The following COLEC12 variants were observed in gnomAD, a reference collection of about 807,000 sequenced individuals.
The protein encoded by COLEC12 is collectin subfamily member 12.
A neutral mutation model predicts 71.1 loss-of-function variants in COLEC12; 33 were observed. That is an observed-to-expected ratio of 0.46 (90% CI 0.35 to 0.62). The LOEUF (loss-of-function observed/expected upper bound fraction) is 0.62, where lower values mean the gene tolerates loss of function less well. COLEC12 is among the 20% of genes least tolerant of loss of function. COLEC12 has a pLI of 0.00. For synonymous variants in COLEC12, 350 were observed against 353.0 expected (o/e 0.99, Z 0.10); for missense variants, 765 against 916.1 (o/e 0.84, Z 2.13).
intron 2 of COLEC12, among the ~76,000 whole-genome samples, chr18:400,749 G>A (rs7235326): frequency 0.067 from 10,234 of 152,252 alleles, 440 homozygotes; most frequent in South Asian, 0.11. Flanking sequence ...CATGGCTGTC[G>A]GTTATGCAAT....
chr18:387,120 G>A (rs6506133), intron 2 of COLEC12, among the ~76,000 whole-genome samples: 58,644 of 152,086 alleles, frequency 0.39, 11,542 homozygotes, highest in Admixed American at 0.47. Flanking sequence ...CACTGAGCTC[G>A]CTTTTGGCAG....
At chr18:389,638 C>G (rs747980670) in intron 2 of COLEC12, among the ~76,000 whole-genome samples, 1 of 151,878 alleles carries the variant, frequency 6.6e-6, no homozygotes, top group Non-Finnish European at 1.5e-5. Context: ...AATGAAAACT[C>G]TCCAAGATAC....
Position 426,803 on chromosome 18 carries a change from G to A in COLEC12, c.58+53904C>T, listed in dbSNP as rs1205744439. On this transcript the variant is annotated intron_variant, in intron 2 of 9. Transcript: ENST00000400256. ...CAACAATCATAAGGCAAGCACTCTT[G>A]TAGCCATTTTAGAGATGAAAAGACA... is the stretch of plus-strand genomic sequence containing the variant. Among the ~76,000 whole-genome samples the A allele has an allele frequency of 3.3e-5, 5 of 152,136 alleles. No individual in the cohort carries two copies. The East Asian group carries it at 7.7e-4, about 23-fold the overall frequency.
intron 2 of COLEC12, among the ~76,000 whole-genome samples, chr18:415,421 C>T (rs528879653): frequency 6.6e-6 from 1 of 152,214 alleles, no homozygotes; most frequent in East Asian, 1.9e-4. Context: ...CTAACTCCAT[C>T]CCAGATATAA....
intron 2 of COLEC12, among the ~76,000 whole-genome samples, chr18:417,986 C>G (rs1377663013): frequency 1.3e-5 from 2 of 152,144 alleles, no homozygotes; most frequent in African/African-American, 4.8e-5. Flanking sequence ...ACAGCTAAGC[C>G]ATGTGTGGGC....
chr18:426,036 CAG>C (rs1414281169), intron 2 of COLEC12, among the ~76,000 whole-genome samples: 3 of 152,166 alleles, frequency 2.0e-5, no homozygotes, highest in African/African-American at 7.2e-5. Context: ...GCTAAGAAAA[CAG>C]AGGCACAGGA....
intron 8 of COLEC12, among the ~76,000 whole-genome samples, chr18:330,372 G>A (rs953120194): frequency 8.5e-5 from 13 of 152,094 alleles, no homozygotes; most frequent in African/African-American, 2.9e-4. Flanking sequence ...AGGCCACACC[G>A]TGGACTTTGC....
intron 2 of COLEC12, among the ~76,000 whole-genome samples, chr18:363,181 C>G (rs1449358429): frequency 6.6e-6 from 1 of 152,170 alleles, no homozygotes; most frequent in East Asian, 1.9e-4. Flanking sequence ...AGAGCCCTCC[C>G]AAGTGCTGTG....
chr18:460,560 A>G lies in COLEC12; in HGVS notation c.58+20147T>C, dbSNP rs139095984. ...GACATTTGAGATTAAAAACACCAGT[A>G]CATTGCGTGTGTTTTACAAAAGACA... On this transcript the variant is annotated intron_variant, in intron 2 of 9. Transcript: ENST00000400256. 3.9e-5 allele frequency among the ~76,000 whole-genome samples: 6 copies of G among 152,340 alleles called. No homozygotes were observed. The East Asian group carries it at 1.2e-3, about 29-fold the overall frequency.
chr18:440,729 A>G (rs1181469324), intron 2 of COLEC12, among the ~76,000 whole-genome samples: 1 of 152,168 alleles, frequency 6.6e-6, no homozygotes, highest in African/African-American at 2.4e-5. Context: ...AAATAGTACT[A>G]ATACCTTACA....
At chr18:438,067 A>C (rs1222749418) in intron 2 of COLEC12, among the ~76,000 whole-genome samples, 1 of 152,224 alleles carries the variant, frequency 6.6e-6, no homozygotes, top group Non-Finnish European at 1.5e-5. Context: ...AAAAATTATA[A>C]AAGGAGTAAG....
Position 368,492 on chromosome 18 carries a change from C to T in COLEC12, c.59-10970G>A, listed in dbSNP as rs568203467. 7.4e-3 allele frequency among the ~76,000 whole-genome samples: 1,127 copies of T among 151,918 alleles called. 6 individuals are homozygous for T. The highest frequency in any genetic ancestry group is 0.012 in the Non-Finnish European group (823 of 67,968). On this transcript the variant is annotated intron_variant, in intron 2 of 9. Transcript: ENST00000400256. ...GGGTGGCTGAGGCAGAAGAATCGCT[C>T]GATCCTGGGAGGCAGAGGTTGCAGT...
At chr18:365,272 G>T (rs938222553) in intron 2 of COLEC12, among the ~76,000 whole-genome samples, 6 of 152,192 alleles carry the variant, frequency 3.9e-5, no homozygotes, top group Non-Finnish European at 7.3e-5. Context: ...CTAAATAAAT[G>T]CTCATTCTCT....
intron 2 of COLEC12, among the ~76,000 whole-genome samples, chr18:446,063 A>G (rs1193010915): frequency 1.3e-5 from 2 of 152,198 alleles, no homozygotes; most frequent in Non-Finnish European, 2.9e-5. Context: ...ATGTTGCAGC[A>G]TGTACAAATA....
intron 2 of COLEC12, among the ~76,000 whole-genome samples, chr18:417,673 G>A (rs112208023): frequency 1.9e-3 from 296 of 152,310 alleles, no homozygotes; most frequent in African/African-American, 2.6e-3. Context: ...TGGAGCCAGC[G>A]TTAGAAACAC....
chr18:443,468 T>C (rs1398697537), intron 2 of COLEC12, among the ~76,000 whole-genome samples: 1 of 152,222 alleles, frequency 6.6e-6, no homozygotes, highest in East Asian at 1.9e-4. Flanking sequence ...GGCCTTCTAT[T>C]TAAATGGTGG....
chr18:467,575 G>A (rs1917112520), intron 2 of COLEC12, among the ~76,000 whole-genome samples: 1 of 152,150 alleles, frequency 6.6e-6, no homozygotes, highest in Non-Finnish European at 1.5e-5. Context: ...TGAATTGAGA[G>A]AAACTGCCAA....
In COLEC12 at chr18:321,719, T is replaced by C. The variant is rs1380740586; in HGVS notation, c.2152A>G (p.Asn718Asp). The C allele has an allele frequency of 3.1e-6, 5 of 1,614,200 alleles. No individual in the cohort carries two copies. Among genetic ancestry groups the C allele is most frequent in the Non-Finnish European group, 4.2e-6 (5 of 1,180,026 alleles). Reference sequence around the variant, plus strand: ...TTGACGTCTTCACATTGGAAATCGTTCCACTGCCCAGCATAAATCAACCCA... The same window carrying C: ...TTGACGTCTTCACATTGGAAATCGTCCCACTGCCCAGCATAAATCAACCCA... ...CAGLIYAGQW[N>D]DFQCEDVNNF... Residue 718 changes from asparagine to aspartate, a missense_variant, in exon 9 of 10, where the codon AAC (asparagine) becomes GAC (aspartate). Asn to Asp is a conservative substitution (Grantham distance 23). Transcript: ENST00000400256.
chr18:468,529 A>AACAC (rs138403777), intron 2 of COLEC12, among the ~76,000 whole-genome samples: 15 of 151,342 alleles, frequency 9.9e-5, no homozygotes, highest in African/African-American at 3.4e-4. Flanking sequence ...TAAATAGCCA[A>AACAC]ACACACACAC....
Sources: allele counts gnomAD v4.1 joint callset (sites outside exome capture counted in the v4.1 genomes callset), GRCh38; gene constraint gnomAD v4.1.1; transcripts MANE v1.5; gene names NCBI Gene and HGNC (gene_info 2026-07-23, HGNC 2026-07-21).